Variants in TNP2 observed in about 807,000 individuals in gnomAD.
TNP2 encodes transition protein 2, also known as nuclear transition protein 2.
A neutral mutation model predicts 8.5 loss-of-function variants in TNP2; 10 were observed. That is an observed-to-expected ratio of 1.17 (90% CI 0.72 to 1.99). The LOEUF (loss-of-function observed/expected upper bound fraction) is 1.99. Among genes scored for constraint, TNP2 ranks in the 30% most tolerant of loss-of-function variants. The pLI, the probability that TNP2 is intolerant of heterozygous loss-of-function variation, is 0.00. For missense variants in TNP2, 222 were observed against 181.2 expected (o/e 1.23, Z -1.29); for synonymous variants, 80 against 62.3 (o/e 1.28, Z -1.34).
intron 1 of TNP2, 40 bp downstream of exon 1, chr16:11,268,823 T>C (rs758129194): frequency 4.7e-5 from 71 of 1,515,828 alleles, no homozygotes; most frequent in Non-Finnish European, 5.7e-5. Context: ...CTCCATCATC[T>C]GTGGGCTCGG....
rs780798361 is a variant in TNP2, at chr16:11,269,297, T to A, written c.-35A>T. 1 of 1,573,020 alleles carries A rather than the reference T, an allele frequency of 6.4e-7. No individual in the cohort carries two copies. The highest frequency in any genetic ancestry group is 1.2e-5 in the South Asian group (1 of 86,504). ...CGTTTGGAGGGGCAGGGCCTCCTCC[T>A]CATCCTCTCCCAGCAGGCCTAGCTT... On this transcript the variant is annotated 5_prime_UTR_variant, in exon 1 of 2. Coordinates refer to ENST00000312693, the MANE Select transcript of TNP2 (RefSeq NM_005425.5).
In TNP2 at chr16:11,268,034, G is replaced by T. The variant is rs543122013; in HGVS notation, c.401-22C>A. 5.0e-6 allele frequency: 8 copies of T among 1,611,944 alleles called. No individual in the cohort carries two copies. In the Admixed American group the frequency reaches 1.2e-4, roughly 24 times the overall value. On this transcript the variant is annotated intron_variant, in intron 1 of 1. Transcript: ENST00000312693. ...CATCCTAAGGGATAAGAGTGGGAAA[G>T]GAACCTTTAATAGCTGAGCACTTCA...
chr16:11,267,880 A>G lies in TNP2; in HGVS notation c.*116T>C. On this transcript the variant is annotated 3_prime_UTR_variant, in exon 2 of 2. Coordinates refer to ENST00000312693, the MANE Select transcript of TNP2 (RefSeq NM_005425.5). ...GATAGTCTTCCAGGTACAAGCTTTA[A>G]TTAGTGTTGCGTAGAAATCACCATA... 8.7e-7 allele frequency: 1 copy of G among 1,143,426 alleles called. No homozygotes were observed. Among genetic ancestry groups the G allele is most frequent in the Non-Finnish European group, 1.3e-6 (1 of 790,628 alleles). 70.8% of individuals were successfully genotyped at this position (1,143,426 alleles called of 1,614,324 possible).
chr16:11,268,149 G>T, intron 1 of TNP2, 137 bp from the exon 2 acceptor site: 2 of 745,758 alleles, frequency 2.7e-6, no homozygotes, highest in Non-Finnish European at 4.4e-6. Flanking sequence ...TTAGACTACC[G>T]TCAGTGTCCT....
At chr16:11,268,461 C>G (rs2069738710) in intron 1 of TNP2, 3 of 328,752 alleles carry the variant, frequency 9.1e-6, no homozygotes, top group Middle Eastern at 8.1e-4. Context: ...AAATAACTAG[C>G]CAGCCAGTGC....
In TNP2 at chr16:11,269,158, C is replaced by G. The variant is rs2141136957; in HGVS notation, c.105G>C (p.Gln35His). The G allele has an allele frequency of 1.2e-6, 2 of 1,613,840 alleles. No individual in the cohort carries two copies. The highest frequency in any genetic ancestry group is 1.7e-6 in the Non-Finnish European group (2 of 1,179,910). ...TGCCACGATGGCTCTGTCTGCAACT[C>G]TGGCTGAAGGTTTGGCAATGGCGGG... ...TCTRHCQTFS[Q>H]SCRQSHRGSR... The change falls in exon 1 of 2, where the codon CAG (glutamine) becomes CAC (histidine). Residue 35 changes from glutamine to histidine, a missense_variant. Gln to His is a conservative substitution (Grantham distance 24). Coordinates refer to ENST00000312693, the MANE Select transcript of TNP2 (RefSeq NM_005425.5).
At chr16:11,268,291 A>G (rs1308285562) in intron 1 of TNP2, 3 of 406,236 alleles carry the variant, frequency 7.4e-6, no homozygotes, top group Non-Finnish European at 9.0e-6. Context: ...CTAGATATCT[A>G]TTCTTCTCTC....
Position 11,268,955 on chromosome 16 carries a change from G to C in TNP2, c.308C>G (p.Pro103Arg), listed in dbSNP as rs765221473. 2.6e-5 allele frequency: 42 copies of C among 1,613,548 alleles called. No homozygotes were observed. Among genetic ancestry groups the C allele is most frequent in the Non-Finnish European group, 3.5e-5 (41 of 1,179,838 alleles). ...MRPTILHCRC[P>R]KNRKNLEGKL... ...GCCTTCCAAGTTCTTTCTGTTCTTG[G>C]GGCAGCGGCAGTGCAGGATGGTGGG... The change falls in exon 1 of 2, where the codon CCC becomes CGC. Residue 103 changes from proline (P) to arginine (R), a missense_variant. By Grantham distance (103) the Pro-to-Arg change is moderately radical (BLOSUM62 -2). Coordinates refer to ENST00000312693, the MANE Select transcript of TNP2 (RefSeq NM_005425.5).
In TNP2 at chr16:11,268,940, T is replaced by G. The variant is rs994113059; in HGVS notation, c.323A>C (p.Asn108Thr). 1.9e-6 allele frequency: 3 copies of G among 1,610,650 alleles called. No individual in the cohort carries two copies. In the South Asian group the frequency reaches 3.3e-5, roughly 18 times the overall value. ...LHCRCPKNRK[N>T]LEGKLKKKKM... ...TTTCTTTTTCAGCTTGCCTTCCAAG[T>G]TCTTTCTGTTCTTGGGGCAGCGGCA... Residue 108 changes from asparagine (N) to threonine (T), a missense_variant, in exon 1 of 2, where the codon AAC (asparagine) becomes ACC (threonine). Transcript: ENST00000312693.
intron 1 of TNP2, chr16:11,268,216 C>T (rs1316519261): frequency 7.5e-6 from 4 of 531,710 alleles, no homozygotes; most frequent in African/African-American, 1.9e-5. Context: ...TGTCATCCAC[C>T]CATTCATTAG....
chr16:11,268,452 A>G (rs573636785), intron 1 of TNP2: 4 of 321,810 alleles, frequency 1.2e-5, no homozygotes, highest in Admixed American at 4.4e-5. Context: ...TAACCAACCA[A>G]ATAACTAGCC....
In TNP2 at chr16:11,269,286, G is replaced by A; in HGVS notation, c.-24C>T. 4 of 1,585,166 alleles carry A rather than the reference G, an allele frequency of 2.5e-6. No individual in the cohort carries two copies. Among genetic ancestry groups the A allele is most frequent in the Non-Finnish European group, 3.4e-6 (4 of 1,171,288 alleles). The stretch of plus-strand genomic sequence containing the variant: ...ATAGGAGGCCACGTTTGGAGGGGCA[G>A]GGCCTCCTCCTCATCCTCTCCCAGC... On this transcript the variant is annotated 5_prime_UTR_variant, in exon 1 of 2. Transcript: ENST00000312693.
At position 11,268,018 on chromosome 16, in the gene TNP2, G is replaced by A; in HGVS notation, c.401-6C>T. Reference sequence around the variant, plus strand: ...TCATTAGTTGGATTTCCATCCTAAGGGATAAGAGTGGGAAAGGAACCTTTA... The same window carrying A: ...TCATTAGTTGGATTTCCATCCTAAGAGATAAGAGTGGGAAAGGAACCTTTA... On this transcript the variant is annotated splice_polypyrimidine_tract_variant and splice_region_variant and intron_variant, in intron 1 of 1. Coordinates refer to ENST00000312693, the MANE Select transcript of TNP2 (RefSeq NM_005425.5). 6.2e-7 allele frequency: 1 copy of A among 1,612,418 alleles called. No homozygotes were observed. The highest frequency in any genetic ancestry group is 8.5e-7 in the Non-Finnish European group (1 of 1,179,278).
Position 11,269,205 on chromosome 16 carries a change from G to A in TNP2, c.58C>T (p.Gln20Ter), listed in dbSNP as rs372556436. The A allele has an allele frequency of 2.0e-5, 32 of 1,609,676 alleles. No homozygotes were observed. Among genetic ancestry groups the A allele is most frequent in the Non-Finnish European group, 2.3e-5 (27 of 1,179,886 alleles). The change falls in exon 1 of 2, where the codon CAG (glutamine) becomes TAG (stop). Residue 20 changes from glutamine to a stop codon, truncating the protein, a stop_gained. Transcript: ENST00000312693. LOFTEE classifies it high-confidence loss of function. The part of the protein sequence containing the change: ...ITHTQLHSNS[Q>*]PQSRTCTRHC... The stretch of plus-strand genomic sequence containing the variant: ...CGGGTGCAGGTGCGGCTTTGGGGCT[G>A]AGAGTTGCTATGGAGCTGAGTGTGG...
chr16:11,268,031 A>G lies in TNP2; in HGVS notation c.401-19T>C. The G allele has an allele frequency of 6.2e-7, 1 of 1,612,170 alleles. No individual in the cohort carries two copies. Among genetic ancestry groups the G allele is most frequent in the Non-Finnish European group, 8.5e-7 (1 of 1,179,142 alleles). ...TTCCATCCTAAGGGATAAGAGTGGG[A>G]AAGGAACCTTTAATAGCTGAGCACT... On this transcript the variant is annotated intron_variant, in intron 1 of 1. Transcript: ENST00000312693.
In TNP2 at chr16:11,269,081, C is replaced by G. The variant is rs755943983; in HGVS notation, c.182G>C (p.Gly61Ala). The G allele has an allele frequency of 3.1e-6, 5 of 1,613,930 alleles. No individual in the cohort carries two copies. The highest frequency in any genetic ancestry group is 1.1e-5 in the South Asian group (1 of 91,068). ...QSPASHRNPT[G>A]AHSSSGHQSQ... ...CTGGTGGCCGGATGAGCTGTGGGCTCCAGTTGGGTTGCGGTGGCTGGCCGG... is the reference window on the plus strand; with the variant it reads ...CTGGTGGCCGGATGAGCTGTGGGCTGCAGTTGGGTTGCGGTGGCTGGCCGG... Residue 61 changes from glycine to alanine, a missense_variant, in exon 1 of 2, where the codon GGA becomes GCA. By Grantham distance (60) the Gly-to-Ala change is moderately conservative. Coordinates refer to ENST00000312693, the MANE Select transcript of TNP2 (RefSeq NM_005425.5).
At chr16:11,268,280 T>C (rs534607096) in intron 1 of TNP2, 1 of 433,726 alleles carries the variant, frequency 2.3e-6, no homozygotes, top group Non-Finnish European at 4.2e-6. Flanking sequence ...ATCCCATTAG[T>C]CTAGATATCT....
In TNP2 at chr16:11,268,945, T is replaced by C. The variant is rs1555513036; in HGVS notation, c.318A>G (p.Arg106=). ...TTTTCAGCTTGCCTTCCAAGTTCTT[T>C]CTGTTCTTGGGGCAGCGGCAGTGCA... ...TILHCRCPKN[R]KNLEGKLKKK... Residue 106 remains arginine (R), a synonymous_variant, in exon 1 of 2, where the codon AGA becomes AGG. Coordinates refer to ENST00000312693, the MANE Select transcript of TNP2 (RefSeq NM_005425.5). 2 of 1,611,708 alleles carry C rather than the reference T, an allele frequency of 1.2e-6. No homozygotes were observed. Among genetic ancestry groups the C allele is most frequent in the South Asian group, 2.2e-5 (2 of 90,758 alleles).
At chr16:11,268,125 G>T (rs1393670685) in intron 1 of TNP2, 113 bp from the exon 2 acceptor site, 18 of 968,670 alleles carry the variant, frequency 1.9e-5, no homozygotes, top group Non-Finnish European at 2.7e-5. Flanking sequence ...TTGAATATGG[G>T]ACATAGATAG....
Sources: allele counts gnomAD v4.1 joint callset, GRCh38; gene constraint gnomAD v4.1.1; transcripts MANE v1.5; gene names NCBI Gene and HGNC (gene_info 2026-07-23, HGNC 2026-07-21).